NOS1AP: variants seen among roughly 807,000 people sequenced by gnomAD.
The protein encoded by NOS1AP is nitric oxide synthase 1 adaptor protein.
Under a neutral mutation model 56.2 loss-of-function variants are expected in NOS1AP, and 21 were observed. The ratio of observed to expected loss-of-function variants is 0.37; its 90% CI spans 0.26 to 0.54. The LOEUF is 0.54. Among genes scored for constraint, NOS1AP ranks in the 20% least tolerant of loss-of-function variants. NOS1AP has a pLI of 0.84. For synonymous variants in NOS1AP, 270 were observed against 274.6 expected, an observed-to-expected ratio of 0.98 and a Z score of 0.17; for missense variants, 522 against 657.8, an observed-to-expected ratio of 0.79 and a Z score of 2.26.
intron 1 of NOS1AP, among the ~76,000 whole-genome samples, chr1:162,110,292 A>T (rs1182207720): frequency 8.0e-6 from 1 of 125,072 alleles, no homozygotes; most frequent in African/African-American, 4.6e-5. Flanking sequence ...GCACATGTTC[A>T]CCAGCCAAAT....
intron 1 of NOS1AP, among the ~76,000 whole-genome samples, chr1:162,127,174 A>G (rs1056197742): frequency 6.6e-6 from 1 of 152,128 alleles, no homozygotes; most frequent in African/African-American, 2.4e-5. Flanking sequence ...TTAGGAATAC[A>G]AGCCCTTTGT....
intron 2 of NOS1AP, among the ~76,000 whole-genome samples, chr1:162,224,980 T>C (rs188928521): frequency 6.6e-6 from 1 of 152,252 alleles, no homozygotes; most frequent in Admixed American, 6.5e-5. Context: ...AGCATCTCAG[T>C]AAAAATAAGG....
intron 2 of NOS1AP, among the ~76,000 whole-genome samples, chr1:162,227,963 G>A (rs945202062): frequency 3.9e-5 from 6 of 152,066 alleles, no homozygotes; most frequent in African/African-American, 4.8e-5. Context: ...AGACAGGAGC[G>A]TTTCTCAAAT....
At chr1:162,089,769 C>T (rs1176161950) in intron 1 of NOS1AP, among the ~76,000 whole-genome samples, 1 of 152,178 alleles carries the variant, frequency 6.6e-6, no homozygotes, top group East Asian at 1.9e-4. Context: ...AGGCTGGCAG[C>T]CTCCAGCAGC....
intron 2 of NOS1AP, among the ~76,000 whole-genome samples, chr1:162,165,836 G>A (rs1487958360): frequency 6.6e-6 from 1 of 152,180 alleles, no homozygotes; most frequent in East Asian, 1.9e-4. Flanking sequence ...TGGAGGTTGA[G>A]ACTTGTATAT....
At chr1:162,168,686 G>A (rs1427209969) in intron 2 of NOS1AP, among the ~76,000 whole-genome samples, 4 of 142,964 alleles carry the variant, frequency 2.8e-5, no homozygotes, top group Non-Finnish European at 6.4e-5. Context: ...TCTTTCCCTT[G>A]CTCTCTTTCT....
intron 3 of NOS1AP, among the ~76,000 whole-genome samples, chr1:162,299,548 A>G (rs1035272145): frequency 6.6e-6 from 1 of 152,228 alleles, no homozygotes; most frequent in Non-Finnish European, 1.5e-5. Context: ...GTTGCTCCAA[A>G]TAGGTAATTC....
chr1:162,363,862 T>C, intron 8 of NOS1AP: 1 of 985,414 alleles, frequency 1.0e-6, no homozygotes, highest in Non-Finnish European at 1.2e-6. Context: ...GTTCTGTCCT[T>C]AGCAGCTTTA....
At chr1:162,135,631 T>C (rs1648964048) in intron 1 of NOS1AP, among the ~76,000 whole-genome samples, 1 of 152,160 alleles carries the variant, frequency 6.6e-6, no homozygotes, top group Non-Finnish European at 1.5e-5. Flanking sequence ...TGTAATACAA[T>C]TACTCTCACC....
At chr1:162,103,194 A>C (rs1393143612) in intron 1 of NOS1AP, among the ~76,000 whole-genome samples, 1 of 149,894 alleles carries the variant, frequency 6.7e-6, no homozygotes, top group Admixed American at 6.6e-5. Context: ...TTATTTGCTC[A>C]AGAGTCATTC....
intron 2 of NOS1AP, among the ~76,000 whole-genome samples, chr1:162,261,497 A>G (rs1160009649): frequency 2.7e-3 from 2 of 734 alleles, no homozygotes; most frequent in African/African-American, 6.9e-3. Context: ...AGAGAGAGAG[A>G]GAGAGAGAGA....
chr1:162,205,387 T>C (rs1271406928), intron 2 of NOS1AP, among the ~76,000 whole-genome samples: 1 of 152,218 alleles, frequency 6.6e-6, no homozygotes, highest in African/African-American at 2.4e-5. Flanking sequence ...TGCCTCTTGA[T>C]TGCAAGACAA....
intron 1 of NOS1AP, among the ~76,000 whole-genome samples, chr1:162,098,348 C>G (rs1692296760): frequency 6.6e-6 from 1 of 152,114 alleles, no homozygotes; most frequent in Admixed American, 6.5e-5. Context: ...CTCAAGTGAT[C>G]TACCAGTCTC....
chr1:162,154,281 C>A, intron 1 of NOS1AP, 124 bp from the exon 2 acceptor site: 2 of 793,466 alleles, frequency 2.5e-6, no homozygotes, highest in Non-Finnish European at 4.3e-6. Flanking sequence ...AAACACCCTG[C>A]TGGCTCTTAA....
intron 4 of NOS1AP, among the ~76,000 whole-genome samples, chr1:162,301,857 G>A (rs1655674336): frequency 6.6e-6 from 1 of 152,238 alleles, no homozygotes; most frequent in Admixed American, 6.5e-5. Flanking sequence ...AACTCAACGT[G>A]TGAAGTTGGC....
At chr1:162,238,800 A>T (rs773648916) in intron 2 of NOS1AP, among the ~76,000 whole-genome samples, 1 of 152,258 alleles carries the variant, frequency 6.6e-6, no homozygotes, top group Non-Finnish European at 1.5e-5. Context: ...CCAATGGATT[A>T]GTTATGAAGA....
intron 5 of NOS1AP, among the ~76,000 whole-genome samples, chr1:162,338,228 T>A (rs1657002405): frequency 6.6e-6 from 1 of 151,816 alleles, no homozygotes; most frequent in African/African-American, 2.4e-5. Context: ...CAAATTTGAG[T>A]ACCCAAAAGA....
intron 2 of NOS1AP, among the ~76,000 whole-genome samples, chr1:162,210,534 A>T (rs115249360): frequency 1.3e-5 from 2 of 152,330 alleles, no homozygotes; most frequent in African/African-American, 4.8e-5. Flanking sequence ...GAGCTCTCTG[A>T]GGCCAGCATC....
intron 2 of NOS1AP, among the ~76,000 whole-genome samples, chr1:162,158,390 T>C (rs1162405509): frequency 6.6e-6 from 1 of 152,220 alleles, no homozygotes; most frequent in Non-Finnish European, 1.5e-5. Flanking sequence ...ATCCATTCAT[T>C]TAACTATGAA....
Sources: gnomAD v4.1 joint callset for allele counts (sites outside exome capture counted in the v4.1 genomes callset) on GRCh38, gnomAD v4.1.1 for gene constraint, MANE v1.5 for transcripts, NCBI Gene and HGNC (gene_info 2026-07-23, HGNC 2026-07-21) for gene names.